Variants in TASP1 observed in about 807,000 individuals in gnomAD.
TASP1 encodes the protein taspase 1.
Under a neutral mutation model 56.6 loss-of-function variants are expected in TASP1, and 16 were observed. The observed-to-expected ratio is 0.28, with a 90% confidence interval of 0.19 to 0.43. TASP1 has a LOEUF of 0.43. Ranked by LOEUF, TASP1 falls within the 20% of genes least tolerant of loss-of-function variation. The probability of loss-of-function intolerance (pLI) is 1.00; values close to 1 mark genes in which losing one functional copy is unlikely to be tolerated. For missense variants in TASP1, 393 were observed against 511.6 expected (o/e 0.77, Z 2.24); for synonymous variants, 179 against 184.2 (o/e 0.97, Z 0.23).
intron 10 of TASP1, among the ~76,000 whole-genome samples, chr20:13,512,657 T>C (rs1027548249): frequency 1.3e-5 from 2 of 152,232 alleles, no homozygotes; most frequent in African/African-American, 4.8e-5. Context: ...TTTGGTATAT[T>C]AGTCATGAAG....
chr20:13,253,228 C>T, the TASP1 span, among the ~76,000 whole-genome samples: 5 of 152,164 alleles, frequency 3.3e-5, no homozygotes, highest in African/African-American at 4.8e-5. Flanking sequence ...TCTCACCCTG[C>T]GTGTTGATCT....
At chr20:13,359,960 T>C in the TASP1 span, among the ~76,000 whole-genome samples, 32 of 151,968 alleles carry the variant, frequency 2.1e-4, no homozygotes, top group African/African-American at 5.1e-4. Flanking sequence ...TATCCCATCC[T>C]GCAGCACACT....
At chr20:13,194,446 G>C in the TASP1 span, among the ~76,000 whole-genome samples, 1 of 152,056 alleles carries the variant, frequency 6.6e-6, no homozygotes, top group African/African-American at 2.4e-5. Flanking sequence ...ATTGCAAATG[G>C]TTGAATATCC....
chr20:13,173,672 G>A, the TASP1 span, among the ~76,000 whole-genome samples: 29 of 152,082 alleles, frequency 1.9e-4, no homozygotes, highest in African/African-American at 3.1e-4. Flanking sequence ...AGAGGTGATA[G>A]GTTTCTCACC....
At chr20:13,591,706 T>C (rs1368748707) in intron 4 of TASP1, among the ~76,000 whole-genome samples, 1 of 152,166 alleles carries the variant, frequency 6.6e-6, no homozygotes, top group Non-Finnish European at 1.5e-5. Flanking sequence ...ATTTTCAAAG[T>C]GTTTCAAATG....
chr20:13,475,770 C>T (rs147075284), intron 11 of TASP1, among the ~76,000 whole-genome samples: 267 of 152,240 alleles, frequency 1.8e-3, no homozygotes, highest in African/African-American at 6.2e-3. Context: ...GTGGCGGATG[C>T]TTGTAATCTC....
chr20:13,554,220 C>T (rs2046078122), intron 8 of TASP1, among the ~76,000 whole-genome samples: 1 of 152,116 alleles, frequency 6.6e-6, no homozygotes, highest in African/African-American at 2.4e-5. Context: ...AAACTAATGC[C>T]AGCAACCAAC....
rs2041230398 is a variant in TASP1 at position 13,390,456 on chromosome 20, C to T, written c.1171-4G>A. 1 of 1,593,582 alleles carries T rather than the reference C, an allele frequency of 6.3e-7. No homozygotes were observed. The highest frequency in any genetic ancestry group is 8.6e-7 in the Non-Finnish European group (1 of 1,166,212). On this transcript the variant is annotated splice_polypyrimidine_tract_variant and splice_region_variant and intron_variant, in intron 13 of 13. Transcript: ENST00000337743. Reference sequence around the variant, plus strand: ...GAGGAAGTCTTGAAATGTGAGTCTGCAGAGAGAGAGAGACAGCAGAGCATC... The same window carrying T: ...GAGGAAGTCTTGAAATGTGAGTCTGTAGAGAGAGAGAGACAGCAGAGCATC...
chr20:13,551,148 A>G (rs941296394), intron 8 of TASP1, among the ~76,000 whole-genome samples: 5 of 152,248 alleles, frequency 3.3e-5, no homozygotes, highest in East Asian at 1.9e-4. Flanking sequence ...AAGTTGTAGC[A>G]TCTCTTTAGA....
chr20:13,142,435 C>T, the TASP1 span, among the ~76,000 whole-genome samples: 1 of 152,174 alleles, frequency 6.6e-6, no homozygotes, highest in African/African-American at 2.4e-5. Context: ...TAGCATCTTC[C>T]AGGGTAAAGG....
the TASP1 span, among the ~76,000 whole-genome samples, chr20:13,163,442 G>A: frequency 2.0e-5 from 3 of 149,344 alleles, no homozygotes; most frequent in Non-Finnish European, 4.4e-5. Context: ...TCTCACAGAT[G>A]CCCCAAATGT....
At chr20:13,543,274 T>G (rs1424648538) in intron 8 of TASP1, among the ~76,000 whole-genome samples, 3 of 150,782 alleles carry the variant, frequency 2.0e-5, no homozygotes, top group African/African-American at 7.3e-5. Flanking sequence ...ACTACATATC[T>G]TCAAGTGATG....
chr20:13,587,252 C>A lies in TASP1; in HGVS notation c.401G>T (p.Ser134Ile). Residue 134 changes from serine to isoleucine, a missense_variant and splice_region_variant, in exon 5 of 14, where the codon AGT becomes ATT. By Grantham distance (142) the Ser-to-Ile change is moderately radical. This residue lies in a region of TASP1 where 293 missense variants were observed against 354.2 expected (regional missense o/e 0.83). Coordinates refer to ENST00000337743, the MANE Select transcript of TASP1 (RefSeq NM_017714.3). ...SLNFGAVGAL[S>I]GIKNPVSVAN... ...AGTAGGTCATAATGCCCACATACCACTCAGTGCTCCAACTGCTCCAAAATT... is the reference window on the plus strand; with the variant it reads ...AGTAGGTCATAATGCCCACATACCAATCAGTGCTCCAACTGCTCCAAAATT... 6.2e-7 allele frequency: 1 copy of A among 1,609,888 alleles called. No individual in the cohort carries two copies. Among genetic ancestry groups the A allele is most frequent in the Non-Finnish European group, 8.5e-7 (1 of 1,178,542 alleles).
chr20:13,126,717 G>A, the TASP1 span: 2 of 1,613,828 alleles, frequency 1.2e-6, no homozygotes, highest in Non-Finnish European at 1.7e-6. Context: ...GACCACTCAA[G>A]GTAAGAGGAT....
intron 10 of TASP1, among the ~76,000 whole-genome samples, chr20:13,506,027 A>C (rs1047995622): frequency 6.6e-6 from 1 of 152,028 alleles, no homozygotes; most frequent in African/African-American, 2.4e-5. Flanking sequence ...GAATAAAAGA[A>C]AAAAGACTAA....
intron 10 of TASP1, among the ~76,000 whole-genome samples, chr20:13,514,799 C>T (rs2044462130): frequency 6.6e-6 from 1 of 152,070 alleles, no homozygotes; most frequent in African/African-American, 2.4e-5. Context: ...ATGAACAAAA[C>T]ATTCTGAAAA....
chr20:13,576,375 AAG>A (rs141450097), intron 6 of TASP1, among the ~76,000 whole-genome samples: 1,285 of 72,154 alleles, frequency 0.018, 17 homozygotes, highest in East Asian at 0.073. Context: ...GAAAGAAAGA[AAG>A]AAAGAAAGAA....
intron 13 of TASP1, among the ~76,000 whole-genome samples, chr20:13,401,000 C>G (rs188118596): frequency 6.6e-6 from 1 of 152,094 alleles, no homozygotes; most frequent in Non-Finnish European, 1.5e-5. Context: ...ATCTACAACA[C>G]GGGTTAGTCT....
chr20:13,311,490 T>C, the TASP1 span, among the ~76,000 whole-genome samples: 2 of 152,230 alleles, frequency 1.3e-5, no homozygotes, highest in Non-Finnish European at 2.9e-5. Flanking sequence ...CATCTTCATG[T>C]TCATTGCATG....
Sources: gnomAD v4.1 joint callset for allele counts (sites outside exome capture counted in the v4.1 genomes callset) on GRCh38, gnomAD v4.1.1 for gene constraint, gnomAD v4.1.1 regional missense constraint, MANE v1.5 for transcripts, NCBI Gene and HGNC (gene_info 2026-07-23, HGNC 2026-07-21) for gene names.